Variants in HPSE2 observed in about 807,000 individuals in gnomAD.
The protein encoded by HPSE2 is inactive heparanase-2.
A neutral mutation model predicts 60.5 loss-of-function variants in HPSE2; 38 were observed. That is an observed-to-expected ratio of 0.63 (90% CI 0.48 to 0.82). The LOEUF is 0.82. HPSE2 is among the 40% of genes least tolerant of loss of function. HPSE2 has a pLI of 0.00. For synonymous variants in HPSE2, 295 were observed against 293.2 expected (o/e 1.01, Z -0.06); for missense variants, 713 against 740.4 (o/e 0.96, Z 0.43).
At chr10:99,315,294 T>A in the HPSE2 span, among the ~76,000 whole-genome samples, 1 of 152,246 alleles carries the variant, frequency 6.6e-6, no homozygotes, top group Non-Finnish European at 1.5e-5. Context: ...CTCCTGTGAT[T>A]TCTATTGGTG....
At chr10:98,914,651 G>T (rs1052508193) in intron 3 of HPSE2, among the ~76,000 whole-genome samples, 1 of 147,130 alleles carries the variant, frequency 6.8e-6, no homozygotes, top group Non-Finnish European at 1.5e-5. Context: ...AATAAGAAAG[G>T]TTACCCAGAT....
At chr10:98,771,848 T>C (rs189961959) in intron 3 of HPSE2, among the ~76,000 whole-genome samples, 1 of 152,170 alleles carries the variant, frequency 6.6e-6, no homozygotes, top group Non-Finnish European at 1.5e-5. Flanking sequence ...AGTACCTGAG[T>C]TGCCCTGGCA....
the HPSE2 span, among the ~76,000 whole-genome samples, chr10:99,266,019 A>G: frequency 6.6e-6 from 1 of 152,218 alleles, no homozygotes; most frequent in Non-Finnish European, 1.5e-5. Context: ...ACTTTGTCTC[A>G]CAGAGGTTCT....
At chr10:98,489,830 C>A (rs1941576148) in intron 10 of HPSE2, among the ~76,000 whole-genome samples, 1 of 152,212 alleles carries the variant, frequency 6.6e-6, no homozygotes, top group African/African-American at 2.4e-5. Context: ...TTTTAGGAAC[C>A]TTTTATGATT....
the HPSE2 span, among the ~76,000 whole-genome samples, chr10:99,255,602 A>G: frequency 2.0e-5 from 3 of 151,700 alleles, no homozygotes; most frequent in Non-Finnish European, 2.9e-5. Flanking sequence ...ACACGACTAC[A>G]ATAGATGCAG....
intron 3 of HPSE2, among the ~76,000 whole-genome samples, chr10:99,108,954 C>G (rs1205894923): frequency 6.6e-6 from 1 of 152,176 alleles, no homozygotes; most frequent in Non-Finnish European, 1.5e-5. Context: ...AACACTTTAT[C>G]CTTATCTCTA....
intron 9 of HPSE2, among the ~76,000 whole-genome samples, chr10:98,583,249 G>C (rs1341067340): frequency 6.6e-6 from 1 of 152,128 alleles, no homozygotes; most frequent in Non-Finnish European, 1.5e-5. Flanking sequence ...TTACATAGGC[G>C]TACACCAATT....
chr10:99,160,169 C>G (rs1377649667), intron 2 of HPSE2, among the ~76,000 whole-genome samples: 1 of 150,738 alleles, frequency 6.6e-6, no homozygotes, highest in East Asian at 1.9e-4. Flanking sequence ...AAGCCACCAA[C>G]TGAGAAAATA....
At chr10:98,502,061 T>C (rs1327724359) in intron 9 of HPSE2, among the ~76,000 whole-genome samples, 1 of 151,818 alleles carries the variant, frequency 6.6e-6, no homozygotes, top group Non-Finnish European at 1.5e-5. Context: ...CACAAACAAA[T>C]GGAAACACAT....
chr10:98,950,262 G>C (rs57368213), intron 3 of HPSE2, among the ~76,000 whole-genome samples: 2 of 151,918 alleles, frequency 1.3e-5, no homozygotes, highest in African/African-American at 2.4e-5. Flanking sequence ...CGTATGTTTT[G>C]CCACATTCTG....
At chr10:98,986,560 C>T (rs1305648992) in intron 3 of HPSE2, among the ~76,000 whole-genome samples, 4 of 151,288 alleles carry the variant, frequency 2.6e-5, no homozygotes, top group African/African-American at 9.7e-5. Flanking sequence ...AAAATTCACA[C>T]CCTAACATCA....
chr10:99,241,422 T>G, the HPSE2 span, among the ~76,000 whole-genome samples: 1 of 152,186 alleles, frequency 6.6e-6, no homozygotes, highest in Admixed American at 6.5e-5. Flanking sequence ...AGTAAAGCAA[T>G]AATTAGTAAG....
intron 2 of HPSE2, among the ~76,000 whole-genome samples, chr10:99,195,654 G>C (rs1267483215): frequency 2.0e-5 from 3 of 151,910 alleles, no homozygotes; most frequent in Admixed American, 6.6e-5. Context: ...CTTAGCAAAA[G>C]AAGTAAACAA....
chr10:98,989,246 C>G (rs1564717061), intron 3 of HPSE2, among the ~76,000 whole-genome samples: 2 of 152,134 alleles, frequency 1.3e-5, no homozygotes, highest in Admixed American at 6.6e-5. Context: ...GGAACCAACC[C>G]AAATGTCCAA....
At chr10:98,891,999 G>A (rs1438137742) in intron 3 of HPSE2, among the ~76,000 whole-genome samples, 1 of 152,032 alleles carries the variant, frequency 6.6e-6, no homozygotes, top group East Asian at 1.9e-4. Context: ...TCGAACTCCT[G>A]GGCTCAAGTG....
chr10:98,658,252 G>A (rs1286021400), intron 6 of HPSE2, among the ~76,000 whole-genome samples: 1 of 152,164 alleles, frequency 6.6e-6, no homozygotes, highest in Non-Finnish European at 1.5e-5. Flanking sequence ...GATGTTCCCT[G>A]TACTCAACTC....
In HPSE2 at chr10:98,823,641, A is replaced by C. The variant is rs112496944; in HGVS notation, c.611-79585T>G. On this transcript the variant is annotated intron_variant, in intron 3 of 11. Coordinates refer to ENST00000370552, the MANE Select transcript of HPSE2 (RefSeq NM_021828.5). ...CCCCATCTCTAAAAAATAAATAAAT[A>C]GATAGATAGAGATAGATAATGATTT... is the stretch of plus-strand genomic sequence containing the variant. Among the ~76,000 whole-genome samples the C allele has an allele frequency of 3.7e-3, 557 of 152,250 alleles. 3 individuals are homozygous for C. The highest frequency in any genetic ancestry group is 0.013 in the African/African-American group (539 of 41,554).
At chr10:98,521,097 A>G (rs956661769) in intron 9 of HPSE2, among the ~76,000 whole-genome samples, 1 of 152,260 alleles carries the variant, frequency 6.6e-6, no homozygotes, top group Admixed American at 6.5e-5. Context: ...CTTCATGTCT[A>G]AAACACCAAA....
intron 3 of HPSE2, among the ~76,000 whole-genome samples, chr10:98,907,494 A>G (rs1177612924): frequency 6.6e-6 from 1 of 152,124 alleles, no homozygotes; most frequent in Non-Finnish European, 1.5e-5. Flanking sequence ...AAACAAAACA[A>G]TACACACAGT....
Sources: allele counts gnomAD v4.1 joint callset (sites outside exome capture counted in the v4.1 genomes callset), GRCh38; gene constraint gnomAD v4.1.1; transcripts MANE v1.5; gene names NCBI Gene and HGNC (gene_info 2026-07-23, HGNC 2026-07-21).